MEGF10: variants seen among roughly 807,000 people sequenced by gnomAD.
The protein encoded by MEGF10 is multiple EGF like domains 10.
A neutral mutation model predicts 147.5 loss-of-function variants in MEGF10; 86 were observed. That is an observed-to-expected ratio of 0.58 (90% CI 0.49 to 0.70). The LOEUF is 0.70. Among genes scored for constraint, MEGF10 ranks in the 30% least tolerant of loss-of-function variants. MEGF10 has a pLI of 0.00. For missense variants in MEGF10, 1,329 were observed against 1,487.3 expected, an observed-to-expected ratio of 0.89 and a Z score of 1.75; for synonymous variants, 478 against 525.5, an observed-to-expected ratio of 0.91 and a Z score of 1.24.
intron 1 of MEGF10, among the ~76,000 whole-genome samples, chr5:127,326,516 T>G (rs955002588): frequency 2.6e-5 from 4 of 152,174 alleles, no homozygotes; most frequent in Non-Finnish European, 5.9e-5. Context: ...CATCTGAGAT[T>G]GTTCTCAGGG....
At chr5:127,431,469 T>C (rs531357066) in intron 13 of MEGF10, among the ~76,000 whole-genome samples, 73 of 152,366 alleles carry the variant, frequency 4.8e-4, no homozygotes, top group African/African-American at 1.7e-3. Flanking sequence ...AAATCTTACC[T>C]GTCCCCCAAG....
chr5:127,321,142 G>T (rs1760771354), intron 1 of MEGF10, among the ~76,000 whole-genome samples: 1 of 152,158 alleles, frequency 6.6e-6, no homozygotes, highest in Admixed American at 6.5e-5. Flanking sequence ...CTGAGTTCTG[G>T]GTTCTAGTGT....
rs1766466633 is a variant in MEGF10 at position 127,458,979 on chromosome 5, A to G, written c.*1661A>G. On this transcript the variant is annotated 3_prime_UTR_variant, in exon 25 of 25. Transcript: ENST00000503335. ...AATGCTGACACAATGCAGGAAAGCC[A>G]GTTTCCCTTTTGTTGATCTACTTGA... 6.6e-6 allele frequency: 1 copy of G among 152,208 alleles called. No homozygotes were observed. The highest frequency in any genetic ancestry group is 1.9e-4 in the East Asian group (1 of 5,200). The allele number at this position is 152,208 out of a possible 1,614,324, so 9.4% of individuals were successfully genotyped here. A position where few individuals can be genotyped will look rare whatever the true frequency, so the allele number is the denominator to read the frequency against.
In MEGF10 at chr5:127,410,570, C is replaced by T. The variant is rs377470998; in HGVS notation, c.1099C>T (p.Arg367Trp). 57 of 1,610,414 alleles carry T rather than the reference C, an allele frequency of 3.5e-5. No individual in the cohort carries two copies. The highest frequency in any genetic ancestry group is 5.0e-5 in the Admixed American group (3 of 59,976). The change falls in exon 9 of 25, where the codon CGG becomes TGG. Residue 367 changes from arginine to tryptophan, a missense_variant. Coordinates refer to ENST00000503335, the MANE Select transcript of MEGF10 (RefSeq NM_001256545.2). ...GCTCTACGGCATCAAATGTGACAAA[C>T]GGTGTCCCTGCCACCTGGAAAACAC... ...EGLYGIKCDK[R>W]CPCHLENTHS...
At chr5:127,305,263 T>C (rs1759961113) in intron 1 of MEGF10, among the ~76,000 whole-genome samples, 1 of 152,096 alleles carries the variant, frequency 6.6e-6, no homozygotes, top group African/African-American at 2.4e-5. Flanking sequence ...TCGGAGAATA[T>C]GAGGTAAGGA....
chr5:127,357,232 G>A lies in MEGF10; in HGVS notation c.320-12678G>A, dbSNP rs922486096. On this transcript the variant is annotated intron_variant, in intron 4 of 24. Transcript: ENST00000503335. ...TGCGTATTTTACTGCCTCATTGATG[G>A]GGACAACTTCTTCTAGACCTCTCCC... Among the ~76,000 whole-genome samples, 8 of 152,006 alleles carry A rather than the reference G, an allele frequency of 5.3e-5. No homozygotes were observed. In the South Asian group the frequency reaches 1.7e-3, roughly 32 times the overall value.
chr5:127,438,337 T>C, intron 16 of MEGF10, 102 bp from the exon 17 acceptor site: 1 of 1,343,616 alleles, frequency 7.4e-7, no homozygotes, highest in South Asian at 1.3e-5. Flanking sequence ...TGTACACTGC[T>C]AACCTCTCAC....
chr5:127,237,808 C>A, the MEGF10 span, among the ~76,000 whole-genome samples: 1 of 152,002 alleles, frequency 6.6e-6, no homozygotes, highest in Admixed American at 6.6e-5. Flanking sequence ...CTTTGCCCTT[C>A]CCTTGCTTCT....
chr5:127,431,265 T>C (rs774066135), intron 13 of MEGF10, among the ~76,000 whole-genome samples: 1 of 152,228 alleles, frequency 6.6e-6, no homozygotes, highest in Non-Finnish European at 1.5e-5. Context: ...ATCTGGCCTG[T>C]AGTCATTTTT....
chr5:127,359,407 C>T (rs1762396211), intron 4 of MEGF10, among the ~76,000 whole-genome samples: 1 of 151,860 alleles, frequency 6.6e-6, no homozygotes, highest in Non-Finnish European at 1.5e-5. Flanking sequence ...ATAAGCTGCA[C>T]ATTTTAAAAG....
intron 1 of MEGF10, among the ~76,000 whole-genome samples, chr5:127,322,973 A>G (rs1024887076): frequency 2.6e-5 from 4 of 151,826 alleles, no homozygotes; most frequent in Admixed American, 1.3e-4. Flanking sequence ...CAATGTGTGT[A>G]TATATATATA....
At chr5:127,309,993 C>CTTTCTTTCTTTCTTTT (rs1561562000) in intron 1 of MEGF10, among the ~76,000 whole-genome samples, 1 of 76,296 alleles carries the variant, frequency 1.3e-5, no homozygotes, top group Admixed American at 1.2e-4. Context: ...TTCTTTCTTT[C>CTTTCTTTCTTTCTTTT]TTTCCTTCCT....
At chr5:127,282,013 T>A in the MEGF10 span, among the ~76,000 whole-genome samples, 1 of 152,212 alleles carries the variant, frequency 6.6e-6, no homozygotes, top group South Asian at 2.1e-4. Flanking sequence ...CTGCCTACTA[T>A]CTCTTTCCAA....
At chr5:127,441,500 A>G (rs1015644167) in intron 18 of MEGF10, among the ~76,000 whole-genome samples, 2 of 152,150 alleles carry the variant, frequency 1.3e-5, no homozygotes, top group African/African-American at 4.8e-5. Flanking sequence ...CCACCCCACT[A>G]GCTATGCATC....
upstream of MEGF10, among the ~76,000 whole-genome samples, chr5:127,289,446 G>C (rs2127020670): frequency 6.6e-6 from 1 of 152,314 alleles, no homozygotes; most frequent in Admixed American, 6.5e-5. Flanking sequence ...GCTGAGGTCA[G>C]TTGCTCTCTT....
At chr5:127,385,577 T>G (rs1412769083) in intron 5 of MEGF10, among the ~76,000 whole-genome samples, 1 of 152,220 alleles carries the variant, frequency 6.6e-6, no homozygotes, top group Non-Finnish European at 1.5e-5. Context: ...CGGGCCGACA[T>G]TTATAATATT....
At chr5:127,238,415 A>T in the MEGF10 span, among the ~76,000 whole-genome samples, 1 of 152,070 alleles carries the variant, frequency 6.6e-6, no homozygotes, top group African/African-American at 2.4e-5. Context: ...CAACACATGG[A>T]GGTTAGTGGT....
the MEGF10 span, among the ~76,000 whole-genome samples, chr5:127,269,403 T>C: frequency 1.6e-4 from 25 of 152,304 alleles, no homozygotes; most frequent in East Asian, 2.9e-3. Context: ...AATGACCTGA[T>C]TGAGCTGAAA....
intron 5 of MEGF10, among the ~76,000 whole-genome samples, chr5:127,392,850 T>G (rs529485989): frequency 2.6e-5 from 4 of 152,302 alleles, no homozygotes; most frequent in African/African-American, 7.2e-5. Context: ...CAACTTATTA[T>G]GAGAGCTTAT....
Sources: allele counts gnomAD v4.1 joint callset (sites outside exome capture counted in the v4.1 genomes callset), GRCh38; gene constraint gnomAD v4.1.1; transcripts MANE v1.5; gene names NCBI Gene and HGNC (gene_info 2026-07-23, HGNC 2026-07-21).